The following CAPS2 variants were observed in gnomAD, a reference collection of about 807,000 sequenced individuals.
The protein encoded by CAPS2 is calcyphosin-2.
Under a neutral mutation model 86.5 loss-of-function variants are expected in CAPS2, and 98 were observed. That is an observed-to-expected ratio of 1.13 (90% confidence interval 0.96 to 1.34). CAPS2 has a LOEUF of 1.34. Ranked by LOEUF, CAPS2 falls within the 40% of genes most tolerant of loss-of-function variation. The pLI, the probability that CAPS2 is intolerant of heterozygous loss-of-function variation, is 0.00. For synonymous variants in CAPS2, 210 were observed against 225.1 expected, an observed-to-expected ratio of 0.93 and a Z score of 0.60; for missense variants, 729 against 686.8, an observed-to-expected ratio of 1.06 and a Z score of -0.69.
intron 1 of CAPS2, among the ~76,000 whole-genome samples, chr12:75,356,923 A>G (rs1028027300): frequency 6.6e-6 from 1 of 152,222 alleles, no homozygotes; most frequent in East Asian, 1.9e-4. Context: ...GCACAACAGC[A>G]GACACGTAAT....
intron 1 of CAPS2, among the ~76,000 whole-genome samples, chr12:75,377,839 A>G (rs2044732537): frequency 2.9e-5 from 1 of 35,038 alleles, no homozygotes; most frequent in Admixed American, 2.5e-4. Context: ...TAACCATCAC[A>G]GATATATATA....
At chr12:75,318,563 T>A (rs1183398541) in intron 5 of CAPS2, among the ~76,000 whole-genome samples, 3 of 152,064 alleles carry the variant, frequency 2.0e-5, no homozygotes, top group Admixed American at 2.0e-4. Flanking sequence ...ACACTCCTAC[T>A]TCATGACACA....
intron 1 of CAPS2, among the ~76,000 whole-genome samples, chr12:75,381,249 C>T (rs555573083): frequency 1.1e-4 from 17 of 152,282 alleles, no homozygotes; most frequent in South Asian, 2.1e-4. Context: ...CTCTTGTCGC[C>T]GCCATGTAAG....
At chr12:75,347,541 A>C (rs1201494282) in intron 1 of CAPS2, 4 of 815,452 alleles carry the variant, frequency 4.9e-6, no homozygotes, top group African/African-American at 3.5e-5. Flanking sequence ...TAGCATGACA[A>C]AGATTATACC....
intron 1 of CAPS2, among the ~76,000 whole-genome samples, chr12:75,377,313 A>G (rs2139772426): frequency 6.6e-6 from 1 of 152,322 alleles, no homozygotes; most frequent in Non-Finnish European, 1.5e-5. Context: ...AAGGGACAGA[A>G]CTACTAGGAT....
intron 7 of CAPS2, chr12:75,305,701 G>A: frequency 1.5e-6 from 1 of 665,462 alleles, no homozygotes; most frequent in Non-Finnish European, 2.9e-6. Context: ...AGCTGCTGCA[G>A]AAGGCGCACG....
intron 7 of CAPS2, among the ~76,000 whole-genome samples, chr12:75,310,821 A>G (rs371467423): frequency 3.3e-4 from 50 of 152,198 alleles, no homozygotes; most frequent in African/African-American, 1.0e-3. Context: ...CTTTTTCTTG[A>G]GACTACCAGG....
intron 11 of CAPS2, among the ~76,000 whole-genome samples, chr12:75,293,645 GAACA>G (rs1224718955): frequency 6.6e-6 from 1 of 152,152 alleles, no homozygotes; most frequent in East Asian, 1.9e-4. Flanking sequence ...GAGGAAAAAA[GAACA>G]AATAATTTAA....
intron 14 of CAPS2, 42 bp from the exon 15 acceptor site, chr12:75,285,122 T>A: frequency 6.3e-7 from 1 of 1,586,142 alleles, no homozygotes; most frequent in Non-Finnish European, 8.6e-7. Flanking sequence ...TTAAGTTACA[T>A]ATCGTCACAA....
chr12:75,338,748 C>A (rs997065399), intron 1 of CAPS2, among the ~76,000 whole-genome samples: 4 of 152,132 alleles, frequency 2.6e-5, no homozygotes, highest in Non-Finnish European at 5.9e-5. Flanking sequence ...AGCTCTCTCT[C>A]CTCCCACCGC....
intron 14 of CAPS2, among the ~76,000 whole-genome samples, chr12:75,286,380 A>G (rs538815070): frequency 1.3e-5 from 2 of 152,142 alleles, no homozygotes; most frequent in East Asian, 3.9e-4. Flanking sequence ...ACAGGAGAAG[A>G]CCAATTTGCT....
At chr12:75,388,647 A>G (rs912906575) in intron 1 of CAPS2, among the ~76,000 whole-genome samples, 4 of 151,312 alleles carry the variant, frequency 2.6e-5, no homozygotes, top group African/African-American at 9.7e-5. Flanking sequence ...GCAGGGAGAG[A>G]TGAATAGTCT....
Position 75,348,130 on chromosome 12 carries a change from TTTAA to T in CAPS2, c.-394-24912_-394-24909del, listed in dbSNP as rs558387018. ...ACTTTTAAGAAAAGAACAACATAACTTTAATTGTCTTGCTGATAATTGCATATCT... is the reference window on the plus strand; with the variant it reads ...ACTTTTAAGAAAAGAACAACATAACTTTGTCTTGCTGATAATTGCATATCT... On this transcript the variant is annotated intron_variant, in intron 1 of 5. Coordinates refer to the CAPS2 transcript ENST00000551829. 2.6e-5 allele frequency among the ~76,000 whole-genome samples: 4 copies of T among 152,296 alleles called. No individual in the cohort carries two copies. In the East Asian group the frequency reaches 7.7e-4, roughly 29 times the overall value.
intron 1 of CAPS2, among the ~76,000 whole-genome samples, chr12:75,378,277 G>A (rs752268173): frequency 3.3e-5 from 5 of 152,166 alleles, no homozygotes; most frequent in Non-Finnish European, 4.4e-5. Flanking sequence ...TGTGATTATA[G>A]GCATGAGCCA....
At chr12:75,283,519 G>A (rs1285256560) in intron 15 of CAPS2, among the ~76,000 whole-genome samples, 8 of 151,850 alleles carry the variant, frequency 5.3e-5, no homozygotes, top group Non-Finnish European at 1.2e-4. Flanking sequence ...CTCCTTATAA[G>A]AAGGCAGTAG....
Position 75,296,988 on chromosome 12 carries a change from C to G in CAPS2, c.1044+1699G>C, listed in dbSNP as rs529043285. On this transcript the variant is annotated intron_variant, in intron 11 of 16. Coordinates refer to ENST00000393284, the Ensembl canonical transcript of CAPS2. ...TGATATCCCCTTCAAAATGTCTGCT[C>G]CACACACAGAGCATCACATATGTGG... is the stretch of plus-strand genomic sequence containing the variant. Among the ~76,000 whole-genome samples the G allele has an allele frequency of 4.6e-5, 7 of 152,316 alleles. No homozygotes were observed. The South Asian group carries it at 1.5e-3, about 32-fold the overall frequency.
chr12:75,283,510 T>C (rs747012360), intron 15 of CAPS2, among the ~76,000 whole-genome samples: 2 of 152,080 alleles, frequency 1.3e-5, no homozygotes, highest in Non-Finnish European at 2.9e-5. Context: ...GACTGGTGTC[T>C]CCTTATAAGA....
chr12:75,310,567 G>A (rs961019259), intron 7 of CAPS2, among the ~76,000 whole-genome samples: 21 of 152,084 alleles, frequency 1.4e-4, no homozygotes, highest in African/African-American at 5.1e-4. Context: ...GGCTTGGATA[G>A]ACTGTGTTAT....
At chr12:75,373,359 G>A (rs1321228066) in intron 1 of CAPS2, 1 of 152,168 alleles carries the variant, frequency 6.6e-6, no homozygotes, top group East Asian at 1.9e-4. Context: ...ATTCACATGA[G>A]ATACATATAT....
Sources: gnomAD v4.1 joint callset for allele counts (sites outside exome capture counted in the v4.1 genomes callset) on GRCh38, gnomAD v4.1.1 for gene constraint, MANE v1.5 for transcripts, NCBI Gene and HGNC (gene_info 2026-07-23, HGNC 2026-07-21) for gene names.